FAT3: variants seen among roughly 807,000 people sequenced by gnomAD.
FAT3 encodes protocadherin Fat 3.
In FAT3, 95 loss-of-function variants were observed where a neutral mutation model predicts 310.2. The ratio of observed to expected loss-of-function variants is 0.31; its 90% CI spans 0.26 to 0.36. FAT3 has a LOEUF of 0.36. FAT3 is among the 10% of genes least tolerant of loss of function. The probability of loss-of-function intolerance (pLI) is 1.00; values close to 1 mark genes in which losing one functional copy is unlikely to be tolerated. For synonymous variants in FAT3, 2,314 were observed against 2,192.9 expected, an observed-to-expected ratio of 1.06 and a Z score of -1.54; for missense variants, 5,408 against 5,715.6, an observed-to-expected ratio of 0.95 and a Z score of 1.74.
At chr11:92,375,190 G>C (rs1416969990) in intron 2 of FAT3, among the ~76,000 whole-genome samples, 2 of 152,092 alleles carry the variant, frequency 1.3e-5, no homozygotes, top group Non-Finnish European at 2.9e-5. Flanking sequence ...CTGGAGTGCA[G>C]TTGTGGGGTC....
At chr11:92,516,744 C>T (rs183664802) in intron 2 of FAT3, among the ~76,000 whole-genome samples, 289 of 152,180 alleles carry the variant, frequency 1.9e-3, no homozygotes, top group African/African-American at 6.5e-3. Flanking sequence ...AAAACCCCGT[C>T]GTCTCAGCCC....
intron 12 of FAT3, among the ~76,000 whole-genome samples, chr11:92,809,225 C>T (rs899251587): frequency 2.0e-5 from 3 of 152,190 alleles, no homozygotes; most frequent in East Asian, 1.9e-4. Flanking sequence ...CTCAAGTTTT[C>T]TCCGACTTGA....
intron 4 of FAT3, among the ~76,000 whole-genome samples, chr11:92,755,832 GA>G (rs1306415823): frequency 1.3e-5 from 2 of 152,174 alleles, no homozygotes; most frequent in Non-Finnish European, 2.9e-5. Flanking sequence ...GGGGGATTGT[GA>G]ATTTGGTCAG....
At chr11:92,676,037 G>A (rs183602836) in intron 3 of FAT3, among the ~76,000 whole-genome samples, 2 of 152,230 alleles carry the variant, frequency 1.3e-5, no homozygotes, top group East Asian at 1.9e-4. Context: ...ATAGGAGAGG[G>A]TGGCAATGAG....
rs544595728 is a variant in FAT3, at chr11:92,530,559, T to C, written c.3607+5611T>C. ...TGTCTCTAACTATCCATGAGCAAAATATCACATGGATTCCTAAGACTTGTA... is the reference window on the plus strand; with the variant it reads ...TGTCTCTAACTATCCATGAGCAAAACATCACATGGATTCCTAAGACTTGTA... On this transcript the variant is annotated intron_variant, in intron 3 of 27. Coordinates refer to ENST00000525166, the MANE Select transcript of FAT3 (RefSeq NM_001367949.2). Among the ~76,000 whole-genome samples the C allele has an allele frequency of 2.8e-3, 431 of 151,930 alleles. 1 individual carries two copies. The highest frequency in any genetic ancestry group is 9.8e-3 in the African/African-American group (405 of 41,334).
At chr11:92,722,721 C>T (rs1944899157) in intron 4 of FAT3, among the ~76,000 whole-genome samples, 1 of 152,196 alleles carries the variant, frequency 6.6e-6, no homozygotes, top group Admixed American at 6.5e-5. Context: ...GGTGGATGTT[C>T]CCAAACCTCA....
At chr11:92,528,882 C>T (rs1012174648) in intron 3 of FAT3, among the ~76,000 whole-genome samples, 1 of 152,218 alleles carries the variant, frequency 6.6e-6, no homozygotes, top group Non-Finnish European at 1.5e-5. Flanking sequence ...CGATCATCAT[C>T]ATCATCCCGT....
At chr11:92,424,848 A>G (rs1277969470) in intron 2 of FAT3, among the ~76,000 whole-genome samples, 1 of 152,190 alleles carries the variant, frequency 6.6e-6, no homozygotes, top group Non-Finnish European at 1.5e-5. Flanking sequence ...AGGAGAATAA[A>G]TTGAAAATGA....
chr11:92,626,403 T>G (rs184727325), intron 3 of FAT3, among the ~76,000 whole-genome samples: 1 of 152,148 alleles, frequency 6.6e-6, no homozygotes, highest in African/African-American at 2.4e-5. Context: ...TACCAATTTT[T>G]TAGCTAAGCA....
chr11:92,699,495 T>TA (rs933463582), intron 4 of FAT3, among the ~76,000 whole-genome samples: 2 of 152,216 alleles, frequency 1.3e-5, no homozygotes, highest in South Asian at 4.1e-4. Flanking sequence ...TGCATTGTTA[T>TA]AAAAAAATTT....
chr11:92,545,728 A>G (rs915451366), intron 3 of FAT3, among the ~76,000 whole-genome samples: 1 of 152,196 alleles, frequency 6.6e-6, no homozygotes, highest in African/African-American at 2.4e-5. Flanking sequence ...ACAGCCAGGC[A>G]CATCCTTTTC....
chr11:92,512,661 G>C (rs1953338223), intron 2 of FAT3, among the ~76,000 whole-genome samples: 1 of 148,008 alleles, frequency 6.8e-6, no homozygotes, highest in Non-Finnish European at 1.5e-5. Flanking sequence ...TTTCTTGGAA[G>C]GTCAGATAAA....
At chr11:92,351,983 A>G in intron 1 of FAT3, 113 bp from the exon 2 acceptor site, 2 of 654,968 alleles carry the variant, frequency 3.1e-6, no homozygotes, top group Non-Finnish European at 4.0e-6. Context: ...TTTTAGTAAA[A>G]AGATTTTGTG....
At chr11:92,368,438 C>CA (rs1949083446) in intron 2 of FAT3, among the ~76,000 whole-genome samples, 1 of 151,972 alleles carries the variant, frequency 6.6e-6, no homozygotes, top group Non-Finnish European at 1.5e-5. Context: ...AGAACAACAA[C>CA]AAAAAAACTA....
At chr11:92,484,171 T>C (rs1341052723) in intron 2 of FAT3, among the ~76,000 whole-genome samples, 1 of 152,238 alleles carries the variant, frequency 6.6e-6, no homozygotes, top group East Asian at 1.9e-4. Flanking sequence ...CAAATTGGCC[T>C]TCTGTCTATG....
intron 4 of FAT3, among the ~76,000 whole-genome samples, chr11:92,753,999 A>C (rs1385744370): frequency 6.6e-6 from 1 of 151,918 alleles, no homozygotes; most frequent in Non-Finnish European, 1.5e-5. Context: ...GGGAAGGTGG[A>C]GGAGGGATAA....
chr11:92,408,273 C>T (rs1950177689), intron 2 of FAT3: 2 of 152,294 alleles, frequency 1.3e-5, no homozygotes, highest in South Asian at 4.2e-4. Flanking sequence ...CCTCATGTAA[C>T]CTTAACTACC....
chr11:92,477,771 G>T (rs1299347079), intron 2 of FAT3, among the ~76,000 whole-genome samples: 1 of 152,326 alleles, frequency 6.6e-6, no homozygotes, highest in South Asian at 2.1e-4. Context: ...AAGGTTCACT[G>T]ATTTTTTCTA....
At chr11:92,309,057 G>C (rs1235397091) in intron 1 of FAT3, among the ~76,000 whole-genome samples, 1 of 151,994 alleles carries the variant, frequency 6.6e-6, no homozygotes, top group East Asian at 1.9e-4. Flanking sequence ...TGAAATCCAG[G>C]AGCCCACCAT....
Sources: allele counts gnomAD v4.1 joint callset (sites outside exome capture counted in the v4.1 genomes callset), GRCh38; gene constraint gnomAD v4.1.1; transcripts MANE v1.5; gene names NCBI Gene and HGNC (gene_info 2026-07-23, HGNC 2026-07-21).